CLEC4G: variants seen among roughly 807,000 people sequenced by gnomAD.
The protein encoded by CLEC4G is C-type lectin domain family 4 member G.
CLEC4G carries 34 observed loss-of-function variants against 37.0 expected under a neutral mutation model. That is an observed-to-expected ratio of 0.92 (90% CI 0.70 to 1.22). The LOEUF (loss-of-function observed/expected upper bound fraction) is 1.22. Ranked by LOEUF, CLEC4G falls within the 50% of genes most tolerant of loss-of-function variation. The pLI is 0.00. For synonymous variants in CLEC4G, 167 were observed against 165.6 expected (o/e 1.01, Z -0.06); for missense variants, 390 against 392.9 (o/e 0.99, Z 0.06).
At chr19:7,731,601 TG>T (rs1370793791) in intron 2 of CLEC4G, 59 bp downstream of exon 2, 23 of 1,588,824 alleles carry the variant, frequency 1.4e-5, no homozygotes, top group Admixed American at 8.9e-5. Context: ...CGCCATGCAG[TG>T]GGGGTTTTCT....
chr19:7,730,721 AG>A lies in CLEC4G; in HGVS notation c.388+33del. ...GGGGTCGGGGTCGGGGGACGCGGCC[AG>A]GGCTCAGGGCCGGGGTCGCGTCGGG... On this transcript the variant is annotated intron_variant, in intron 5 of 8. Transcript: ENST00000328853. This position sits in a 1 kb window ranked among gnomAD's most constrained non-coding sequence, Gnocchi z 7.3. The A allele has an allele frequency of 6.6e-7, 1 of 1,517,112 alleles. No individual in the cohort carries two copies. Among genetic ancestry groups the A allele is most frequent in the Non-Finnish European group, 8.8e-7 (1 of 1,137,558 alleles). 94.0% of individuals were successfully genotyped at this position (1,517,112 alleles called of 1,614,324 possible).
At chr19:7,729,687 A>C in intron 8 of CLEC4G, 134 bp downstream of exon 8, 1 of 1,456,354 alleles carries the variant, frequency 6.9e-7, no homozygotes, top group East Asian at 2.3e-5. Flanking sequence ...ACCTGAGGAC[A>C]GTTCCTGGGG....
chr19:7,730,134 G>T lies in CLEC4G; in HGVS notation c.512C>A (p.Ser171Tyr). Reference sequence around the variant, plus strand: ...GAAAAAGTAGCAGGAGCCCTCGAAGGACAGCCACGACGTGGGGCACGGCTC... The same window carrying T: ...GAAAAAGTAGCAGGAGCCCTCGAAGTACAGCCACGACGTGGGGCACGGCTC... The part of the protein sequence containing the change: ...SCEPCPTSWL[S>Y]FEGSCYFFSV... Residue 171 changes from serine (S) to tyrosine (Y), a missense_variant, in exon 7 of 9, where the codon TCC (serine) becomes TAC (tyrosine). Physicochemically the swap from Ser to Tyr is moderately radical, Grantham distance 144 (BLOSUM62 -2). Transcript: ENST00000328853. This position sits in a 1 kb window ranked among gnomAD's most constrained non-coding sequence, Gnocchi z 7.3. The T allele has an allele frequency of 6.2e-7, 1 of 1,612,908 alleles. No individual in the cohort carries two copies.
chr19:7,730,405 C>A lies in CLEC4G; in HGVS notation c.424G>T (p.Glu142Ter), dbSNP rs2033411019. The A allele has an allele frequency of 4.4e-6, 7 of 1,602,324 alleles. No individual in the cohort carries two copies. Among genetic ancestry groups the A allele is most frequent in the Non-Finnish European group, 5.1e-6 (6 of 1,179,892 alleles). Residue 142 changes from glutamate (E) to a stop codon, truncating the protein, a stop_gained, in exon 6 of 9, where the codon GAG becomes TAG. Coordinates refer to ENST00000328853, the MANE Select transcript of CLEC4G (RefSeq NM_198492.4). LOFTEE classifies it high-confidence loss of function. This position sits in a 1 kb window ranked among gnomAD's most constrained non-coding sequence, Gnocchi z 7.3. ...QGLAEAGRGR[E>*]DVRTELFRAL... ...CGGAACAGCTCAGTGCGGACGTCCT[C>A]ACGGCCCCTGCCGGCTTCAGCCAAG...
rs757098933 is a variant in CLEC4G, at chr19:7,730,998, G to C, written c.283+28C>G. The C allele has an allele frequency of 6.4e-7, 1 of 1,573,100 alleles. No homozygotes were observed. The highest frequency in any genetic ancestry group is 8.6e-7 in the Non-Finnish European group (1 of 1,166,382). On this transcript the variant is annotated intron_variant, in intron 4 of 8. Coordinates refer to ENST00000328853, the MANE Select transcript of CLEC4G (RefSeq NM_198492.4). This position sits in a 1 kb window ranked among gnomAD's most constrained non-coding sequence, Gnocchi z 7.3. Reference sequence around the variant, plus strand: ...CGCGGCCGCAAGACCCCATCCCTGCGCCCACAGCCTCGACCGCGCCCCCTC... The same window carrying C: ...CGCGGCCGCAAGACCCCATCCCTGCCCCCACAGCCTCGACCGCGCCCCCTC...
chr19:7,731,965 C>T, intron 1 of CLEC4G, 83 bp downstream of exon 1: 1 of 1,465,274 alleles, frequency 6.8e-7, no homozygotes, highest in Non-Finnish European at 9.5e-7. Flanking sequence ...ACCCACAACC[C>T]TGGCCTGTCT....
intron 3 of CLEC4G, 29 bp from the exon 4 acceptor site, chr19:7,731,117 G>A (rs1207694647): frequency 1.2e-6 from 2 of 1,604,294 alleles, no homozygotes; most frequent in Non-Finnish European, 1.7e-6. Flanking sequence ...CAAAATGCAT[G>A]CCCCTCGGGT....
At chr19:7,729,796 G>T in intron 8 of CLEC4G, 25 bp downstream of exon 8, 1 of 1,613,482 alleles carries the variant, frequency 6.2e-7, no homozygotes, top group Non-Finnish European at 8.5e-7. Flanking sequence ...CCCTCCCCAG[G>T]TCTCACCAGG....
chr19:7,729,851 T>C lies in CLEC4G; in HGVS notation c.713A>G (p.Gln238Arg). 1.2e-6 allele frequency: 2 copies of C among 1,614,128 alleles called. No homozygotes were observed. The highest frequency in any genetic ancestry group is 1.7e-6 in the Non-Finnish European group (2 of 1,180,004). Reference protein sequence around the residue: ...VRHLGKVQGYQWVDGVSLSFS... With the variant: ...VRHLGKVQGYRWVDGVSLSFS... ...GCTGAGAGAGACTCCGTCCACCCACTGGTAGCCCTGAACCTTGCCCAGATG... is the reference window on the plus strand; with the variant it reads ...GCTGAGAGAGACTCCGTCCACCCACCGGTAGCCCTGAACCTTGCCCAGATG... Residue 238 changes from glutamine to arginine, a missense_variant, in exon 8 of 9, where the codon CAG (glutamine) becomes CGG (arginine). By Grantham distance (43) the Gln-to-Arg change is conservative. Coordinates refer to ENST00000328853, the MANE Select transcript of CLEC4G (RefSeq NM_198492.4).
intron 1 of CLEC4G, 54 bp from the exon 2 acceptor site, chr19:7,731,825 T>G: frequency 3.2e-6 from 5 of 1,574,652 alleles, no homozygotes; most frequent in Non-Finnish European, 4.3e-6. Context: ...CCTGGAGGCC[T>G]GAGTTACTCC....
In CLEC4G at chr19:7,729,417, C is replaced by T; in HGVS notation, c.831G>A (p.Pro277=). The T allele has an allele frequency of 5.0e-6, 8 of 1,607,330 alleles. No individual in the cohort carries two copies. The highest frequency in any genetic ancestry group is 4.5e-5 in the East Asian group (2 of 44,852). ...MLHTGLWNDA[P]CDSEKDGWIC... is the part of the protein sequence containing the mutation. ...TCCAGCCGTCCTTCTCGCTGTCACACGGTGCGTCGTTCCACAGCCCCGTGT... is the reference window on the plus strand; with the variant it reads ...TCCAGCCGTCCTTCTCGCTGTCACATGGTGCGTCGTTCCACAGCCCCGTGT... The change falls in exon 9 of 9, where the codon CCG becomes CCA. Residue 277 remains proline (P), a synonymous_variant. Transcript: ENST00000328853.
rs189211552 is a variant in CLEC4G, at chr19:7,731,769, G to T, written c.58C>A (p.Pro20Thr). Residue 20 changes from proline (P) to threonine (T), a missense_variant and splice_region_variant, in exon 2 of 9, where the codon CCC becomes ACC. Transcript: ENST00000328853. The part of the protein sequence containing the change: ...GGSSEEVPGG[P>T]WGRWVHWSRR... ...CTCCAGTGCACCCAGCGTCCCCAGG[G>T]CCCTGGCATAACAAGGACGGCATGC... 803 of 1,612,786 alleles carry T rather than the reference G, an allele frequency of 5.0e-4. 5 individuals carry two copies. The East Asian group carries it at 0.014, about 28-fold the overall frequency.
rs115517455 is a variant in CLEC4G, at chr19:7,729,672, A to G, written c.743+149T>C. 3.4e-4 allele frequency: 482 copies of G among 1,413,788 alleles called. 1 individual carries two copies. The African/African-American group carries it at 6.2e-3, about 18-fold the overall frequency. 87.6% of individuals were successfully genotyped at this position (1,413,788 alleles called of 1,614,324 possible). ...GGTATATAACTTTTTAACGCCCAGAATTTAACCTGAGGACAGTTCCTGGGG... is the reference window on the plus strand; with the variant it reads ...GGTATATAACTTTTTAACGCCCAGAGTTTAACCTGAGGACAGTTCCTGGGG... On this transcript the variant is annotated intron_variant, in intron 8 of 8. Coordinates refer to ENST00000328853, the MANE Select transcript of CLEC4G (RefSeq NM_198492.4).
chr19:7,729,339 G>C lies in CLEC4G; in HGVS notation c.*27C>G, dbSNP rs2033390684. ...CCCCAGGATACGACATGCTGCAATG[G>C]GCGCGGCTCCAGGGCACTGGGCGGG... On this transcript the variant is annotated 3_prime_UTR_variant, in exon 9 of 9. Transcript: ENST00000328853. 2 of 1,532,782 alleles carry C rather than the reference G, an allele frequency of 1.3e-6. No homozygotes were observed. The highest frequency in any genetic ancestry group is 2.2e-5 in the East Asian group (1 of 44,522). 94.9% of individuals were successfully genotyped at this position (1,532,782 alleles called of 1,614,324 possible).
chr19:7,731,267 G>C lies in CLEC4G; in HGVS notation c.219C>G (p.Asn73Lys). ...CCAGGCGCCCGGCTCTGCACACACCGTTTGTCCTCAGCAGGTCGTGGCCGT... is the reference window on the plus strand; with the variant it reads ...CCAGGCGCCCGGCTCTGCACACACCCTTTGTCCTCAGCAGGTCGTGGCCGT... ...LLDGHDLLRT[N>K]ASKQTAALGA... Residue 73 changes from asparagine to lysine, a missense_variant and splice_region_variant, in exon 3 of 9, where the codon AAC (asparagine) becomes AAG (lysine). Transcript: ENST00000328853. The C allele has an allele frequency of 6.3e-7, 1 of 1,592,202 alleles. No individual in the cohort carries two copies. Among genetic ancestry groups the C allele is most frequent in the East Asian group, 2.3e-5 (1 of 44,214 alleles).
rs1260479516 is a variant in CLEC4G, at chr19:7,731,312, C to G, written c.174G>C (p.Thr58=). 6 of 1,576,558 alleles carry G rather than the reference C, an allele frequency of 3.8e-6. No individual in the cohort carries two copies. The highest frequency in any genetic ancestry group is 5.1e-6 in the Non-Finnish European group (6 of 1,166,190). ...GGCCGTCAAGCAGCGCCGCGCGCTC[C>G]GTGGAGGCTGAGGAGAGAGGCTCCT... The part of the protein sequence containing the change: ...ILSILLSKAS[T]ERAALLDGHD... Residue 58 remains threonine, a synonymous_variant, in exon 3 of 9, where the codon ACG becomes ACC. Coordinates refer to ENST00000328853, the MANE Select transcript of CLEC4G (RefSeq NM_198492.4).
Position 7,731,016 on chromosome 19 carries a change from G to A in CLEC4G, c.283+10C>T, listed in dbSNP as rs369677122. ...TCCCTGCGCCCACAGCCTCGACCGCGCCCCCTCACAGCAGCTGTGGCAGTC... is the reference window on the plus strand; with the variant it reads ...TCCCTGCGCCCACAGCCTCGACCGCACCCCCTCACAGCAGCTGTGGCAGTC... On this transcript the variant is annotated intron_variant, in intron 4 of 8. Transcript: ENST00000328853. The A allele has an allele frequency of 3.1e-6, 5 of 1,589,628 alleles. No homozygotes were observed. In the African/African-American group the frequency reaches 6.8e-5, roughly 22 times the overall value.
Position 7,730,363 on chromosome 19 carries a change from TCA to T in CLEC4G, c.464_465del (p.Val155GlufsTer53). 2 of 1,603,250 alleles carry T rather than the reference TCA, an allele frequency of 1.2e-6. No individual in the cohort carries two copies. The highest frequency in any genetic ancestry group is 1.7e-6 in the Non-Finnish European group (2 of 1,179,668). ...RTELFRALEA[V>X]RLQNNSCEPC... is the part of the protein sequence containing the mutation. ...CCGTCTCGCTCACTGTTCTGGAGCC[TCA>T]CGGCCTCCAGCGCCCGGAACAGCTC... On this transcript the variant is annotated frameshift_variant, in exon 6 of 9. Coordinates refer to ENST00000328853, the MANE Select transcript of CLEC4G (RefSeq NM_198492.4). LOFTEE classifies it high-confidence loss of function. This position sits in a 1 kb window ranked among gnomAD's most constrained non-coding sequence, Gnocchi z 7.3.
chr19:7,731,313 G>T lies in CLEC4G; in HGVS notation c.173C>A (p.Thr58Lys). 6.3e-7 allele frequency: 1 copy of T among 1,576,296 alleles called. No individual in the cohort carries two copies. The highest frequency in any genetic ancestry group is 8.6e-7 in the Non-Finnish European group (1 of 1,166,074). The change falls in exon 3 of 9, where the codon ACG becomes AAG. Residue 58 changes from threonine (T) to lysine (K), a missense_variant. Transcript: ENST00000328853. ...GCCGTCAAGCAGCGCCGCGCGCTCCGTGGAGGCTGAGGAGAGAGGCTCCTG... is the reference window on the plus strand; with the variant it reads ...GCCGTCAAGCAGCGCCGCGCGCTCCTTGGAGGCTGAGGAGAGAGGCTCCTG... ...ILSILLSKAS[T>K]ERAALLDGHD... is the part of the protein sequence containing the mutation.
Sources: gnomAD v4.1 joint callset for allele counts on GRCh38, gnomAD v4.1.1 for gene constraint, Gnocchi (gnomAD v3.1) non-coding constraint, MANE v1.5 for transcripts, NCBI Gene and HGNC (gene_info 2026-07-23, HGNC 2026-07-21) for gene names.